Variants in SLC9A3 observed in about 807,000 individuals in gnomAD.
SLC9A3 encodes sodium/hydrogen exchanger 3.
SLC9A3 carries 37 observed loss-of-function variants against 86.8 expected under a neutral mutation model. The ratio of observed to expected loss-of-function variants is 0.43; its 90% CI spans 0.33 to 0.56. The LOEUF (loss-of-function observed/expected upper bound fraction) is 0.56. Among genes scored for constraint, SLC9A3 ranks in the 20% least tolerant of loss-of-function variants. The pLI, the probability that SLC9A3 is intolerant of heterozygous loss-of-function variation, is 0.06. For missense variants in SLC9A3, 1,011 were observed against 1,171.9 expected (o/e 0.86, Z 2.00); for synonymous variants, 581 against 528.3 (o/e 1.10, Z -1.37).
chr5:517,005 C>T (rs1733749308), intron 1 of SLC9A3, among the ~76,000 whole-genome samples: 1 of 152,222 alleles, frequency 6.6e-6, no homozygotes, highest in Non-Finnish European at 1.5e-5. Context: ...CTCCTTCACT[C>T]TCCCATGTGT....
intron 10 of SLC9A3, chr5:477,796 G>A: frequency 4.6e-6 from 1 of 215,554 alleles, no homozygotes; most frequent in Admixed American, 6.0e-5. Context: ...AGTGGTCTCT[G>A]TCCCTGCAGG....
intron 4 of SLC9A3, 73 bp from the exon 5 acceptor site, chr5:484,770 C>T (rs1739387500): frequency 1.3e-6 from 2 of 1,485,138 alleles, no homozygotes; most frequent in African/African-American, 2.8e-5. Context: ...CCTGGTGACC[C>T]CGCGGAAGTG....
rs566703691 is a variant in SLC9A3 at position 483,243 on chromosome 5, C to T, written c.1153+19G>A. On this transcript the variant is annotated intron_variant, in intron 6 of 16. Coordinates refer to ENST00000264938, the MANE Select transcript of SLC9A3 (RefSeq NM_004174.4). ...CGGCCCATCGGTGGTCCCACGGCCG[C>T]AACCCGGCCCCGCCTCACCGATGGC... is the stretch of plus-strand genomic sequence containing the variant. 5.1e-4 allele frequency: 781 copies of T among 1,524,236 alleles called. No individual in the cohort carries two copies. Among genetic ancestry groups the T allele is most frequent in the Non-Finnish European group, 6.6e-4 (747 of 1,125,484 alleles). 94.4% of individuals were successfully genotyped at this position (1,524,236 alleles called of 1,614,324 possible).
At position 484,442 on chromosome 5, in the gene SLC9A3, G is replaced by A. The variant is rs1030930247; in HGVS notation, c.932+78C>T. On this transcript the variant is annotated intron_variant, in intron 5 of 16. Transcript: ENST00000264938. ...GGGTTGGGGTCCCCCTGGCTGGCTC[G>A]CCCTGCCGGACCCAGGAGGGTGTGG... 32 of 1,385,396 alleles carry A rather than the reference G, an allele frequency of 2.3e-5. No homozygotes were observed. The highest frequency in any genetic ancestry group is 2.7e-5 in the Non-Finnish European group (27 of 1,003,286). 85.8% of individuals were successfully genotyped at this position (1,385,396 alleles called of 1,614,324 possible).
chr5:504,540 A>C (rs1225131302), intron 1 of SLC9A3, among the ~76,000 whole-genome samples: 3 of 152,172 alleles, frequency 2.0e-5, no homozygotes, highest in Non-Finnish European at 2.9e-5. Flanking sequence ...CAGACCACAC[A>C]GCAAGCGGCC....
rs765014852 is a variant in SLC9A3 at position 491,776 on chromosome 5, C to T, written c.507G>A (p.Gly169=). 6.5e-7 allele frequency: 1 copy of T among 1,544,478 alleles called. No homozygotes were observed. Among genetic ancestry groups the T allele is most frequent in the Non-Finnish European group, 8.8e-7 (1 of 1,139,586 alleles). Residue 169 remains glycine (G), a synonymous_variant, in exon 2 of 17, where the codon GGG becomes GGA. Coordinates refer to ENST00000264938, the MANE Select transcript of SLC9A3 (RefSeq NM_004174.4). The surrounding 1 kb of genome is among the most constrained non-coding windows in gnomAD (Gnocchi z 9.2). ...ACAGTGGCGCAGACTCACCCATGAGCCCACTGAGGAAGACGCCGTAGAGGG... is the reference window on the plus strand; with the variant it reads ...ACAGTGGCGCAGACTCACCCATGAGTCCACTGAGGAAGACGCCGTAGAGGG... ...GLSLYGVFLS[G]LMGDLQIGLL...
In SLC9A3 at chr5:524,369, C is replaced by T. The variant is rs1733976302; in HGVS notation, c.-47G>A. On this transcript the variant is annotated 5_prime_UTR_variant, in exon 1 of 17. Transcript: ENST00000264938. ...CTGGGACGCGCATGTCGCGGGGGGT[C>T]CCGGCTGGGCTGGGCCGACGCGCGG... 2.2e-6 allele frequency: 2 copies of T among 904,446 alleles called. No individual in the cohort carries two copies. Among genetic ancestry groups the T allele is most frequent in the South Asian group, 5.2e-5 (1 of 19,242 alleles). 56.0% of individuals were successfully genotyped at this position (904,446 alleles called of 1,614,324 possible).
Position 476,373 on chromosome 5 carries a change from C to A in SLC9A3, c.1896G>T (p.Lys632Asn). 6.2e-7 allele frequency: 1 copy of A among 1,613,706 alleles called. No individual in the cohort carries two copies. The highest frequency in any genetic ancestry group is 8.5e-7 in the Non-Finnish European group (1 of 1,179,986). ...QYLYKPRQEY[K>N]HLYSRHELTP... Reference sequence around the variant, plus strand: ...TGAGCTCGTGTCGGCTGTACAGATGCTTGTACTGCGGGATCAGGCACGGAG... The same window carrying A: ...TGAGCTCGTGTCGGCTGTACAGATGATTGTACTGCGGGATCAGGCACGGAG... The change falls in exon 13 of 17, where the codon AAG becomes AAT. Residue 632 changes from lysine (K) to asparagine (N), a missense_variant. Physicochemically the swap from Lys to Asn is moderately conservative, Grantham distance 94. Coordinates refer to ENST00000264938, the MANE Select transcript of SLC9A3 (RefSeq NM_004174.4).
chr5:477,473 G>A (rs1197691060), intron 10 of SLC9A3, 29 bp from the exon 11 acceptor site: 2 of 1,529,928 alleles, frequency 1.3e-6, no homozygotes, highest in East Asian at 4.6e-5. Context: ...CCGGTCAGTG[G>A]CCTGAGCAGC....
rs767431528 is a variant in SLC9A3, at chr5:475,049, C to G, written c.2335G>C (p.Glu779Gln). Residue 779 changes from glutamate (E) to glutamine (Q), a missense_variant, in exon 16 of 17, where the codon GAG becomes CAG. By Grantham distance (29) the Glu-to-Gln change is conservative. This residue lies in a region of SLC9A3 where 397 missense variants were observed against 346.3 expected (regional missense o/e 1.15). Transcript: ENST00000264938. ...GCCCTCTGCGAGGGGACCACCGTCT[C>G]CCCGGGAGACAGCCAGGGCGGCAGC... Reference protein sequence around the residue: ...ARLPPWLSPGETVVPSQRART... With the variant: ...ARLPPWLSPGQTVVPSQRART... 1 of 1,612,260 alleles carries G rather than the reference C, an allele frequency of 6.2e-7. No individual in the cohort carries two copies. The highest frequency in any genetic ancestry group is 8.5e-7 in the Non-Finnish European group (1 of 1,179,738).
intron 1 of SLC9A3, among the ~76,000 whole-genome samples, chr5:502,643 G>T (rs373012554): frequency 1.3e-5 from 2 of 152,328 alleles, no homozygotes; most frequent in East Asian, 3.9e-4. Context: ...GGATAGAAAA[G>T]AAACGTTCTC....
intron 2 of SLC9A3, among the ~76,000 whole-genome samples, chr5:489,462 G>T (rs1739625221): frequency 6.6e-6 from 1 of 152,196 alleles, no homozygotes; most frequent in Admixed American, 6.5e-5. Context: ...CCAGGAGACA[G>T]CAGAGAGCAG....
intron 1 of SLC9A3, among the ~76,000 whole-genome samples, chr5:511,363 T>A (rs1051722883): frequency 1.3e-5 from 2 of 152,222 alleles, no homozygotes; most frequent in Admixed American, 1.3e-4. Context: ...TTAAAAACTT[T>A]TTCTCTGCAA....
At chr5:475,350 C>G (rs961053288) in intron 15 of SLC9A3, 8 of 618,868 alleles carry the variant, frequency 1.3e-5, no homozygotes, top group Non-Finnish European at 2.3e-5. Context: ...AGACATACCC[C>G]ACCTGCTCCC....
chr5:474,917 G>T lies in SLC9A3; in HGVS notation c.2467C>A (p.Arg823=). ...SFLQADGPEE[R]PPAALPESTH... ...GACTCGGGGAGGGCGGCGGGGGGCCGCTCCTCGGGGCCGTCTGCCTGCAGG... is the reference window on the plus strand; with the variant it reads ...GACTCGGGGAGGGCGGCGGGGGGCCTCTCCTCGGGGCCGTCTGCCTGCAGG... The change falls in exon 16 of 17, where the codon CGG becomes AGG. Residue 823 remains arginine (R), a synonymous_variant. Transcript: ENST00000264938. 1.3e-6 allele frequency: 2 copies of T among 1,593,564 alleles called. No individual in the cohort carries two copies. The highest frequency in any genetic ancestry group is 1.7e-6 in the Non-Finnish European group (2 of 1,171,450).
chr5:475,303 C>T (rs997123376), intron 15 of SLC9A3, 171 bp from the exon 16 acceptor site: 5 of 674,982 alleles, frequency 7.4e-6, no homozygotes, highest in African/African-American at 5.4e-5. Context: ...TGACCCCACA[C>T]GCCACAGGCA....
At chr5:489,811 C>T (rs779021691) in intron 2 of SLC9A3, among the ~76,000 whole-genome samples, 16 of 152,176 alleles carry the variant, frequency 1.1e-4, no homozygotes, top group Non-Finnish European at 2.2e-4. Context: ...CGTTCAGACT[C>T]CCCGGCCGGC....
Position 476,184 on chromosome 5 carries a change from C to G in SLC9A3, c.2067+18G>C. Reference sequence around the variant, plus strand: ...CCAGGCCCCAGCCCCGCCAAGCCTCCTGGTGACCCAGCCTTACCCGCTTCT... The same window carrying G: ...CCAGGCCCCAGCCCCGCCAAGCCTCGTGGTGACCCAGCCTTACCCGCTTCT... On this transcript the variant is annotated intron_variant, in intron 13 of 16. Transcript: ENST00000264938. 6.2e-7 allele frequency: 1 copy of G among 1,613,488 alleles called. No individual in the cohort carries two copies. Among genetic ancestry groups the G allele is most frequent in the Non-Finnish European group, 8.5e-7 (1 of 1,179,754 alleles).
At chr5:523,337 G>T (rs1427962739) in intron 1 of SLC9A3, among the ~76,000 whole-genome samples, 1 of 152,036 alleles carries the variant, frequency 6.6e-6, no homozygotes, top group Non-Finnish European at 1.5e-5. Context: ...AAGCTGCTCT[G>T]GAAACCTGCC....
Sources: gnomAD v4.1 joint callset for allele counts (sites outside exome capture counted in the v4.1 genomes callset) on GRCh38, gnomAD v4.1.1 for gene constraint, gnomAD v4.1.1 regional missense constraint, Gnocchi (gnomAD v3.1) non-coding constraint, MANE v1.5 for transcripts, NCBI Gene and HGNC (gene_info 2026-07-23, HGNC 2026-07-21) for gene names.